GNAI3: variants seen among roughly 807,000 people sequenced by gnomAD.
GNAI3 encodes guanine nucleotide-binding protein G(i) subunit alpha-3.
In GNAI3, 12 loss-of-function variants were observed where a neutral mutation model predicts 41.8. The observed-to-expected ratio is 0.29, with a 90% CI of 0.18 to 0.47. The LOEUF (loss-of-function observed/expected upper bound fraction) is 0.47. Among genes scored for constraint, GNAI3 ranks in the 20% least tolerant of loss-of-function variants. GNAI3 has a pLI of 1.00. For synonymous variants in GNAI3, 132 were observed against 146.5 expected (o/e 0.90, Z 0.71); for missense variants, 360 against 429.6 (o/e 0.84, Z 1.43).
At chr1:109,554,872 C>A (rs1230320493) in intron 1 of GNAI3, among the ~76,000 whole-genome samples, 1 of 151,954 alleles carries the variant, frequency 6.6e-6, no homozygotes, top group African/African-American at 2.4e-5. Flanking sequence ...CCCTATACAC[C>A]AACAGCAACC....
chr1:109,564,708 G>A (rs563888792), intron 1 of GNAI3, among the ~76,000 whole-genome samples: 15 of 152,112 alleles, frequency 9.9e-5, no homozygotes, highest in Non-Finnish European at 1.8e-4. Context: ...CCCTCGATTC[G>A]GTCACAGGAA....
intron 1 of GNAI3, among the ~76,000 whole-genome samples, chr1:109,571,618 T>C (rs936983392): frequency 1.3e-5 from 2 of 152,136 alleles, no homozygotes; most frequent in South Asian, 4.1e-4. Flanking sequence ...TTGAATAGTG[T>C]TTAAGCCATG....
chr1:109,557,830 G>A (rs1180413891), intron 1 of GNAI3, among the ~76,000 whole-genome samples: 1 of 152,164 alleles, frequency 6.6e-6, no homozygotes, highest in East Asian at 1.9e-4. Flanking sequence ...GTCATGTATG[G>A]TTGGGTATAG....
chr1:109,552,509 T>C (rs1393724747), intron 1 of GNAI3, among the ~76,000 whole-genome samples: 3 of 152,142 alleles, frequency 2.0e-5, no homozygotes, highest in East Asian at 3.8e-4. Context: ...CTTGGCCTCA[T>C]GTGATTCTCC....
chr1:109,578,470 CAAAAAAAAA>C (rs35519193), intron 3 of GNAI3, among the ~76,000 whole-genome samples: 6 of 84,308 alleles, frequency 7.1e-5, no homozygotes, highest in African/African-American at 2.3e-4. Context: ...AACTCCGTCT[CAAAAAAAAA>C]AAAAAAAAAA....
rs1446527399 is a variant in GNAI3, at chr1:109,586,822, G to C, written c.814G>C (p.Asp272His). 6.3e-7 allele frequency: 1 copy of C among 1,597,750 alleles called. No homozygotes were observed. Among genetic ancestry groups the C allele is most frequent in the Non-Finnish European group, 8.6e-7 (1 of 1,165,458 alleles). Reference protein sequence around the residue: ...TSIILFLNKKDLFEEKIKRSP... With the variant: ...TSIILFLNKKHLFEEKIKRSP... ...AATCATTCTCTTCCTTAACAAGAAAGACCTTTTTGAGGAAAAAATAAAGAG... is the reference window on the plus strand; with the variant it reads ...AATCATTCTCTTCCTTAACAAGAAACACCTTTTTGAGGAAAAAATAAAGAG... The change falls in exon 7 of 9, where the codon GAC becomes CAC. Residue 272 changes from aspartate (D) to histidine (H), a missense_variant. Transcript: ENST00000369851.
chr1:109,578,754 A>G (rs755535922), intron 3 of GNAI3, among the ~76,000 whole-genome samples: 6 of 152,172 alleles, frequency 3.9e-5, no homozygotes, highest in Non-Finnish European at 7.4e-5. Context: ...AAACTTGATT[A>G]ATGTTTTACT....
At chr1:109,566,491 T>G (rs775232662) in intron 1 of GNAI3, among the ~76,000 whole-genome samples, 2 of 152,198 alleles carry the variant, frequency 1.3e-5, no homozygotes, top group Non-Finnish European at 2.9e-5. Context: ...GCCTTTTCTT[T>G]TATTGAACTA....
chr1:109,582,587 T>C, intron 5 of GNAI3, 22 bp downstream of exon 5: 1 of 1,573,180 alleles, frequency 6.4e-7, no homozygotes, highest in Non-Finnish European at 8.7e-7. Flanking sequence ...GCCTTTTTGC[T>C]AGGTGTGCCA....
chr1:109,581,370 G>T (rs1315908202), intron 4 of GNAI3, among the ~76,000 whole-genome samples: 1 of 151,732 alleles, frequency 6.6e-6, no homozygotes, highest in African/African-American at 2.4e-5. Flanking sequence ...CTCAATTTTA[G>T]TTAATCAAAC....
At chr1:109,575,494 C>T (rs1402915250) in intron 3 of GNAI3, among the ~76,000 whole-genome samples, 1 of 150,366 alleles carries the variant, frequency 6.7e-6, no homozygotes, top group Admixed American at 6.6e-5. Flanking sequence ...TTATTCCCCG[C>T]CGTCTGTCTT....
At chr1:109,586,641 C>G (rs1173489717) in intron 6 of GNAI3, 88 bp from the exon 7 acceptor site, 20 of 925,340 alleles carry the variant, frequency 2.2e-5, no homozygotes, top group Non-Finnish European at 3.0e-5. Flanking sequence ...CCATTTAGTG[C>G]TGCAAAACTT....
At chr1:109,573,826 C>CATAT in intron 2 of GNAI3, 47 bp downstream of exon 2, 1 of 1,581,858 alleles carries the variant, frequency 6.3e-7, no homozygotes, top group Non-Finnish European at 8.7e-7. Context: ...TCTCCTAATG[C>CATAT]ATATAAAGTC....
chr1:109,560,444 C>A (rs1282575230), intron 1 of GNAI3, among the ~76,000 whole-genome samples: 1 of 151,990 alleles, frequency 6.6e-6, no homozygotes, highest in Non-Finnish European at 1.5e-5. Flanking sequence ...CTTGCCTTGC[C>A]GTGATCAAAA....
intron 7 of GNAI3, among the ~76,000 whole-genome samples, chr1:109,591,046 A>G (rs1649159450): frequency 6.6e-6 from 1 of 152,214 alleles, no homozygotes. Context: ...CTATAAGTAG[A>G]CAAGATGGTG....
At chr1:109,553,623 G>A (rs371397014) in intron 1 of GNAI3, among the ~76,000 whole-genome samples, 1 of 152,108 alleles carries the variant, frequency 6.6e-6, no homozygotes, top group African/African-American at 2.4e-5. Context: ...TTTCATGTGA[G>A]GATGCATCTG....
intron 7 of GNAI3, chr1:109,591,559 T>C: frequency 1.5e-6 from 1 of 683,226 alleles, no homozygotes; most frequent in Non-Finnish European, 2.6e-6. Context: ...TTCACGAATT[T>C]GCGTGTCATC....
intron 1 of GNAI3, among the ~76,000 whole-genome samples, chr1:109,563,011 A>G (rs987926536): frequency 7.2e-5 from 11 of 152,210 alleles, no homozygotes; most frequent in African/African-American, 2.4e-4. Context: ...GTCATGTCAT[A>G]TATAAATACT....
intron 4 of GNAI3, among the ~76,000 whole-genome samples, chr1:109,580,608 A>G (rs1475011330): frequency 6.6e-6 from 1 of 152,222 alleles, no homozygotes; most frequent in African/African-American, 2.4e-5. Flanking sequence ...CACCTAAGCT[A>G]TATGGTATAG....
Sources: allele counts gnomAD v4.1 joint callset (sites outside exome capture counted in the v4.1 genomes callset), GRCh38; gene constraint gnomAD v4.1.1; transcripts MANE v1.5; gene names NCBI Gene and HGNC (gene_info 2026-07-23, HGNC 2026-07-21).